Variants in BOD1 observed in about 807,000 individuals in gnomAD.
BOD1 encodes biorientation of chromosomes in cell division 1, also known as biorientation of chromosomes in cell division protein 1.
In BOD1, 11 loss-of-function variants were observed where a neutral mutation model predicts 15.7. The observed-to-expected ratio is 0.70, with a 90% CI of 0.44 to 1.16. The LOEUF is 1.16. BOD1 is among the 50% of genes most tolerant of loss of function. BOD1 has a pLI of 0.00. For synonymous variants in BOD1, 105 were observed against 103.5 expected (o/e 1.01, Z -0.09); for missense variants, 182 against 244.5 (o/e 0.74, Z 1.70).
chr5:173,609,164 A>C, intron 3 of BOD1, 74 bp downstream of exon 3: 1 of 1,413,790 alleles, frequency 7.1e-7, no homozygotes, highest in Non-Finnish European at 9.5e-7. Context: ...ATTACGGCCT[A>C]CCCCATTCCT....
At chr5:173,612,303 C>T (rs967433879) in intron 2 of BOD1, among the ~76,000 whole-genome samples, 7 of 152,224 alleles carry the variant, frequency 4.6e-5, no homozygotes, top group African/African-American at 1.4e-4. Context: ...CAGCACCTTG[C>T]GTAACTAGTG....
chr5:173,613,210 T>C lies in BOD1; in HGVS notation c.283A>G (p.Thr95Ala), dbSNP rs754372830. 2 of 1,613,712 alleles carry C rather than the reference T, an allele frequency of 1.2e-6. No individual in the cohort carries two copies. Among genetic ancestry groups the C allele is most frequent in the South Asian group, 2.2e-5 (2 of 91,074 alleles). Residue 95 changes from threonine to alanine, a missense_variant, in exon 2 of 4, where the codon ACA becomes GCA. This residue lies in a region of BOD1 where 70 missense variants were observed against 130.3 expected (regional missense o/e 0.54). Transcript: ENST00000311086. The stretch of plus-strand genomic sequence containing the variant: ...TTCCATTCCTGCTTGTCCAGATGTG[T>C]TGACACAAAATTATCCACTTTCTGC... ...LRQKVDNFVS[T>A]HLDKQEWNPT...
rs1225543914 is a variant in BOD1, at chr5:173,616,241, CA to C, written c.195del (p.Phe65LeufsTer21). 4 of 1,574,350 alleles carry C rather than the reference CA, an allele frequency of 2.5e-6. No individual in the cohort carries two copies. Among genetic ancestry groups the C allele is most frequent in the Non-Finnish European group, 2.6e-6 (3 of 1,160,924 alleles). ...GCCAGGCAGTCCCGGCGGAAGCTGT[CA>C]AAAAGGCCCCGGCTCTTGAGCTGCT... ...IVEQLKSRGLFDSFRRDCLAD... is the reference protein window; with the variant it reads ...IVEQLKSRGLXDSFRRDCLAD... On this transcript the variant is annotated frameshift_variant, in exon 1 of 4. Transcript: ENST00000311086. LOFTEE classifies it high-confidence loss of function.
chr5:173,614,651 G>A (rs1044058489), intron 1 of BOD1: 2 of 152,198 alleles, frequency 1.3e-5, no homozygotes, highest in African/African-American at 4.8e-5. Flanking sequence ...AGCAACAAAG[G>A]TCTCAGATAA....
intron 1 of BOD1, among the ~76,000 whole-genome samples, chr5:173,613,506 C>A (rs1406578758): frequency 6.6e-6 from 1 of 152,172 alleles, no homozygotes; most frequent in Non-Finnish European, 1.5e-5. Context: ...ACTCTACATG[C>A]AGCAGGCCTG....
intron 2 of BOD1, among the ~76,000 whole-genome samples, chr5:173,610,318 T>C (rs963810610): frequency 2.6e-5 from 4 of 152,132 alleles, no homozygotes; most frequent in Non-Finnish European, 5.9e-5. Context: ...CGGGTAAAAA[T>C]AGGCTGGGCA....
chr5:173,608,218 T>C lies in BOD1; in HGVS notation c.*76A>G. 1 of 1,571,562 alleles carries C rather than the reference T, an allele frequency of 6.4e-7. No homozygotes were observed. The highest frequency in any genetic ancestry group is 1.7e-5 in the Admixed American group (1 of 59,884). ...AGTGACGACCTTGGCCTATCTTCAG[T>C]CTGAAGTTGCACTCTTATGTAACCG... is the stretch of plus-strand genomic sequence containing the variant. On this transcript the variant is annotated 3_prime_UTR_variant, in exon 4 of 4. Coordinates refer to ENST00000311086, the MANE Select transcript of BOD1 (RefSeq NM_138369.3).
At chr5:173,610,916 G>A (rs1339484471) in intron 2 of BOD1, among the ~76,000 whole-genome samples, 1 of 152,196 alleles carries the variant, frequency 6.6e-6, no homozygotes, top group South Asian at 2.1e-4. Context: ...TCCACCACAT[G>A]AGAAGAACAA....
chr5:173,613,369 C>T (rs1373372285), intron 1 of BOD1, 114 bp from the exon 2 acceptor site: 1 of 1,261,544 alleles, frequency 7.9e-7, no homozygotes, highest in African/African-American at 1.5e-5. Flanking sequence ...AATACACTTC[C>T]ACTGTGCATG....
intron 1 of BOD1, among the ~76,000 whole-genome samples, chr5:173,615,891 G>C (rs1378964665): frequency 1.3e-5 from 2 of 152,172 alleles, no homozygotes; most frequent in African/African-American, 2.4e-5. Context: ...TGGTTTCGAA[G>C]TTTGTTATTA....
At position 173,613,141 on chromosome 5, in the gene BOD1, T is replaced by C. The variant is rs961181321; in HGVS notation, c.352A>G (p.Ser118Gly). Residue 118 changes from serine (S) to glycine (G), a missense_variant, in exon 2 of 4, where the codon AGT becomes GGT. By Grantham distance (56) the Ser-to-Gly change is moderately conservative (BLOSUM62 0). This residue lies in a region of BOD1 where 70 missense variants were observed against 130.3 expected (regional missense o/e 0.54). Transcript: ENST00000311086. ...KNQLRNGLRQ[S>G]VVQSGMLEAG... is the part of the protein sequence containing the mutation. ...ATTCTGCTTACTTACTGAACCACACTCTGCCTCAGACCATTTCGCAACTGG... is the reference window on the plus strand; with the variant it reads ...ATTCTGCTTACTTACTGAACCACACCCTGCCTCAGACCATTTCGCAACTGG... The C allele has an allele frequency of 1.9e-6, 3 of 1,614,042 alleles. No individual in the cohort carries two copies. The highest frequency in any genetic ancestry group is 4.5e-5 in the East Asian group (2 of 44,882).
At chr5:173,613,397 T>C (rs547113944) in intron 1 of BOD1, 142 bp from the exon 2 acceptor site, 6 of 1,018,748 alleles carry the variant, frequency 5.9e-6, no homozygotes, top group Non-Finnish European at 8.7e-6. Context: ...CCATGCAATG[T>C]GGCAGTCAGG....
chr5:173,613,239 A>G lies in BOD1; in HGVS notation c.254T>C (p.Leu85Pro), dbSNP rs758005393. ...DVDTKPAYQN[L>P]RQKVDNFVST... The stretch of plus-strand genomic sequence containing the variant: ...CACAAAATTATCCACTTTCTGCCTC[A>G]GGTTTTGGTAAGCTGGCTAAAATGT... The change falls in exon 2 of 4, where the codon CTG becomes CCG. Residue 85 changes from leucine (L) to proline (P), a missense_variant. Leu to Pro is a moderately conservative substitution (Grantham distance 98). Around this residue, in one of 3 missense-constraint regions of BOD1, gnomAD observed 70 missense variants for 130.3 expected, o/e 0.54. Coordinates refer to ENST00000311086, the MANE Select transcript of BOD1 (RefSeq NM_138369.3). The G allele has an allele frequency of 1.1e-5, 18 of 1,613,902 alleles. No individual in the cohort carries two copies. The highest frequency in any genetic ancestry group is 2.7e-5 in the African/African-American group (2 of 74,930).
intron 2 of BOD1, 53 bp downstream of exon 2, chr5:173,613,078 C>T (rs1290207377): frequency 9.3e-6 from 14 of 1,512,826 alleles, no homozygotes; most frequent in East Asian, 6.8e-5. Context: ...CCTTCTTGTG[C>T]ATCACACTTG....
chr5:173,609,471 C>G, intron 2 of BOD1, 37 bp from the exon 3 acceptor site: 1 of 1,280,216 alleles, frequency 7.8e-7, no homozygotes, highest in Non-Finnish European at 1.1e-6. Flanking sequence ...TTATTTAGTT[C>G]CTTCGGGATT....
chr5:173,610,002 A>C (rs111754085), intron 2 of BOD1, among the ~76,000 whole-genome samples: 1,832 of 152,346 alleles, frequency 0.012, 16 homozygotes, highest in Middle Eastern at 0.034. Flanking sequence ...ACTTGGAAGC[A>C]AACAAGAAAT....
rs1417484517 is a variant in BOD1 at position 173,609,449 on chromosome 5, C to T, written c.363-15G>A. 6.2e-7 allele frequency: 1 copy of T among 1,613,282 alleles called. No individual in the cohort carries two copies. The highest frequency in any genetic ancestry group is 1.1e-5 in the South Asian group (1 of 91,030). The stretch of plus-strand genomic sequence containing the variant: ...ACATCCCTGACCTTGTGGAGACAAA[C>T]AGATCATTCTGTTATTTAGTTCCTT... On this transcript the variant is annotated splice_polypyrimidine_tract_variant and intron_variant, in intron 2 of 3. Transcript: ENST00000311086.
chr5:173,614,125 A>C (rs1755429502), intron 1 of BOD1, among the ~76,000 whole-genome samples: 1 of 152,206 alleles, frequency 6.6e-6, no homozygotes, highest in Non-Finnish European at 1.5e-5. Context: ...ACGAATGGGG[A>C]ATATCTGGTT....
At chr5:173,612,215 C>A (rs555217976) in intron 2 of BOD1, among the ~76,000 whole-genome samples, 7 of 152,340 alleles carry the variant, frequency 4.6e-5, no homozygotes, top group African/African-American at 1.2e-4. Flanking sequence ...ATCTTAAAAT[C>A]GCTGCATATT....
Sources: allele counts gnomAD v4.1 joint callset (sites outside exome capture counted in the v4.1 genomes callset), GRCh38; gene constraint gnomAD v4.1.1; regional missense constraint gnomAD v4.1.1; transcripts MANE v1.5; gene names NCBI Gene and HGNC (gene_info 2026-07-23, HGNC 2026-07-21).